The following TBXAS1 variants were observed in gnomAD, a reference collection of about 807,000 sequenced individuals.
TBXAS1 encodes thromboxane A synthase 1, also known as thromboxane-A synthase.
TBXAS1 carries 48 observed loss-of-function variants against 60.7 expected under a neutral mutation model. The observed-to-expected ratio is 0.79, with a 90% CI of 0.63 to 1.01. TBXAS1 has a LOEUF of 1.01. TBXAS1 is among the 50% of genes least tolerant of loss of function. The pLI is 0.00. For missense variants in TBXAS1, 685 were observed against 686.3 expected (o/e 1.00, Z 0.02); for synonymous variants, 287 against 269.7 (o/e 1.06, Z -0.63).
chr7:139,996,646 C>G (rs947608316), intron 9 of TBXAS1, among the ~76,000 whole-genome samples: 1 of 152,174 alleles, frequency 6.6e-6, no homozygotes, highest in African/African-American at 2.4e-5. Context: ...CTCTTCATTC[C>G]CTGACCCGTT....
rs546309005 is a variant in TBXAS1 at position 139,972,428 on chromosome 7, G to T, written c.1134+10195G>T. Among the ~76,000 whole-genome samples the T allele has an allele frequency of 1.5e-3, 224 of 152,304 alleles. 2 individuals are homozygous for T. Among genetic ancestry groups the T allele is most frequent in the African/African-American group, 5.0e-3 (208 of 41,562 alleles). On this transcript the variant is annotated intron_variant, in intron 9 of 12. Coordinates refer to ENST00000448866, the MANE Select transcript of TBXAS1 (RefSeq NM_001061.7). ...AACCTTCTGTGCATCTGCTTGGCAT[G>T]GAGCTACATTTGCAACTGAATGGCT...
intron 9 of TBXAS1, among the ~76,000 whole-genome samples, chr7:139,993,857 G>A (rs1020225165): frequency 7.0e-6 from 1 of 143,758 alleles, no homozygotes; most frequent in Non-Finnish European, 1.5e-5. Flanking sequence ...ACTGCTCTTT[G>A]TTTGCTTTGC....
At chr7:139,798,445 T>C (rs1467349238) in intron 4 of TBXAS1, among the ~76,000 whole-genome samples, 1 of 152,160 alleles carries the variant, frequency 6.6e-6, no homozygotes, top group East Asian at 1.9e-4. Flanking sequence ...ATTAACTGCC[T>C]AACATATGGC....
At chr7:139,943,505 A>G (rs1412656267) in intron 5 of TBXAS1, among the ~76,000 whole-genome samples, 1 of 152,258 alleles carries the variant, frequency 6.6e-6, no homozygotes, top group Non-Finnish European at 1.5e-5. Context: ...CCTTTGCCAG[A>G]ATTATAATGT....
At chr7:139,882,921 T>G (rs1416338147) in intron 3 of TBXAS1, among the ~76,000 whole-genome samples, 1 of 152,238 alleles carries the variant, frequency 6.6e-6, no homozygotes, top group African/African-American at 2.4e-5. Flanking sequence ...TCAAAATAGC[T>G]TAATCATGAA....
chr7:139,851,570 T>C (rs566132227), intron 1 of TBXAS1, among the ~76,000 whole-genome samples: 1 of 152,338 alleles, frequency 6.6e-6, no homozygotes, highest in East Asian at 1.9e-4. Flanking sequence ...TCTACTCTCT[T>C]AGTGATGCAC....
intron 4 of TBXAS1, among the ~76,000 whole-genome samples, chr7:139,918,612 G>A (rs528404610): frequency 3.3e-5 from 5 of 152,220 alleles, no homozygotes; most frequent in Non-Finnish European, 7.3e-5. Context: ...CTTTGGGGCT[G>A]ATAGAAGCAC....
intron 3 of TBXAS1, chr7:139,782,781 C>G (rs971603725): frequency 2.0e-5 from 3 of 152,114 alleles, no homozygotes; most frequent in Non-Finnish European, 4.4e-5. Flanking sequence ...CTCTTTTGGT[C>G]TCTTGCTGTA....
At chr7:139,904,609 T>C (rs1316373558) in intron 3 of TBXAS1, among the ~76,000 whole-genome samples, 2 of 152,228 alleles carry the variant, frequency 1.3e-5, no homozygotes, top group Non-Finnish European at 1.5e-5. Context: ...GTTTGTTTCA[T>C]CTATGATTTC....
intron 4 of TBXAS1, among the ~76,000 whole-genome samples, chr7:139,813,273 C>T (rs537649603): frequency 6.6e-6 from 1 of 152,054 alleles, no homozygotes; most frequent in Non-Finnish European, 1.5e-5. Context: ...AGAGACCTTC[C>T]AGTACTGGGT....
chr7:139,909,372 T>C (rs1380388862), intron 3 of TBXAS1, among the ~76,000 whole-genome samples: 1 of 152,216 alleles, frequency 6.6e-6, no homozygotes, highest in African/African-American at 2.4e-5. Flanking sequence ...CAGCTTTCAT[T>C]AGATTCTCAA....
rs147189932 is a variant in TBXAS1, at chr7:139,917,907, G to A, written c.333+6586G>A. 6.1e-3 allele frequency among the ~76,000 whole-genome samples: 925 copies of A among 152,168 alleles called. 9 individuals are homozygous for A. The highest frequency in any genetic ancestry group is 0.026 in the South Asian group (127 of 4,820). Reference sequence around the variant, plus strand: ...ATGCCATATTTCCCTAACTTTTGTCGTGGCAGAAGTAGAAATAAGTGTGTA... The same window carrying A: ...ATGCCATATTTCCCTAACTTTTGTCATGGCAGAAGTAGAAATAAGTGTGTA... On this transcript the variant is annotated intron_variant, in intron 4 of 12. Coordinates refer to ENST00000448866, the MANE Select transcript of TBXAS1 (RefSeq NM_001061.7).
intron 9 of TBXAS1, among the ~76,000 whole-genome samples, chr7:139,981,869 T>C (rs1432621898): frequency 6.6e-6 from 1 of 152,246 alleles, no homozygotes; most frequent in African/African-American, 2.4e-5. Flanking sequence ...ATCAGAAAGA[T>C]GTCATTTTTT....
chr7:139,979,372 T>TA (rs112287188), intron 9 of TBXAS1, among the ~76,000 whole-genome samples: 27 of 150,456 alleles, frequency 1.8e-4, no homozygotes, highest in Non-Finnish European at 2.5e-4. Context: ...ATCTTTACCA[T>TA]AAAAAAAAAC....
At chr7:139,955,003 A>G (rs985802886) in intron 6 of TBXAS1, among the ~76,000 whole-genome samples, 2 of 152,220 alleles carry the variant, frequency 1.3e-5, no homozygotes, top group African/African-American at 4.8e-5. Flanking sequence ...ATCAAGGACA[A>G]TTTGATGTCT....
At chr7:139,941,434 T>G (rs1190002846) in intron 5 of TBXAS1, among the ~76,000 whole-genome samples, 1 of 12,114 alleles carries the variant, frequency 8.3e-5, no homozygotes, top group Admixed American at 1.1e-3. Context: ...ATTAAAATTG[T>G]TTTTTTTTTT....
At chr7:140,001,797 C>T (rs1813692610) in intron 9 of TBXAS1, among the ~76,000 whole-genome samples, 1 of 152,168 alleles carries the variant, frequency 6.6e-6, no homozygotes, top group African/African-American at 2.4e-5. Flanking sequence ...TTCACAGTTC[C>T]CTGATTGATT....
At chr7:139,923,325 C>A (rs747079796) in intron 4 of TBXAS1, among the ~76,000 whole-genome samples, 1 of 149,666 alleles carries the variant, frequency 6.7e-6, no homozygotes, top group Non-Finnish European at 1.5e-5. Flanking sequence ...AGACCCTGTC[C>A]GAGAGAGAGA....
intron 1 of TBXAS1, among the ~76,000 whole-genome samples, chr7:139,863,071 T>C (rs1376765186): frequency 6.6e-6 from 1 of 152,214 alleles, no homozygotes; most frequent in African/African-American, 2.4e-5. Flanking sequence ...AATATAAGAA[T>C]GGTATTTATT....
Sources: gnomAD v4.1 joint callset for allele counts (sites outside exome capture counted in the v4.1 genomes callset) on GRCh38, gnomAD v4.1.1 for gene constraint, MANE v1.5 for transcripts, NCBI Gene and HGNC (gene_info 2026-07-23, HGNC 2026-07-21) for gene names.